TRDN: variants seen among roughly 807,000 people sequenced by gnomAD.
TRDN encodes the protein triadin.
In TRDN, 161 loss-of-function variants were observed where a neutral mutation model predicts 149.7. That is an observed-to-expected ratio of 1.08 (90% CI 0.95 to 1.23). The LOEUF (loss-of-function observed/expected upper bound fraction) is 1.23. Ranked by LOEUF, TRDN falls within the 50% of genes most tolerant of loss-of-function variation. TRDN has a pLI of 0.00. For missense variants in TRDN, 896 were observed against 823.5 expected (o/e 1.09, Z -1.08); for synonymous variants, 294 against 250.5 (o/e 1.17, Z -1.64).
rs1160564258 is a variant in TRDN, at chr6:123,503,905, T to C, written c.611-4A>G. On this transcript the variant is annotated splice_polypyrimidine_tract_variant and splice_region_variant and intron_variant, in intron 7 of 40. Transcript: ENST00000334268. ...GCAGTCTTAGCTTTCTTCTGTTCTG[T>C]ATAAAGTTAAAAGATGTTGAAATAC... is the stretch of plus-strand genomic sequence containing the variant. The C allele has an allele frequency of 1.3e-6, 2 of 1,542,688 alleles. No individual in the cohort carries two copies. Among genetic ancestry groups the C allele is most frequent in the African/African-American group, 1.4e-5 (1 of 72,416 alleles).
chr6:123,419,773 A>C (rs1273205529), intron 12 of TRDN, among the ~76,000 whole-genome samples: 1 of 152,190 alleles, frequency 6.6e-6, no homozygotes, highest in Non-Finnish European at 1.5e-5. Flanking sequence ...TGTGTATGTC[A>C]CCTTAACCTT....
At chr6:123,430,508 G>A (rs1774294552) in intron 12 of TRDN, among the ~76,000 whole-genome samples, 1 of 151,948 alleles carries the variant, frequency 6.6e-6, no homozygotes, top group Non-Finnish European at 1.5e-5. Flanking sequence ...CATGAACACG[G>A]GAGGCGGAGG....
chr6:123,421,890 C>T (rs112309883), intron 12 of TRDN, among the ~76,000 whole-genome samples: 9,667 of 151,384 alleles, frequency 0.064, 426 homozygotes, highest in Non-Finnish European at 0.094. Context: ...AGGAGGACTG[C>T]TTGAGCCTAG....
chr6:123,635,940 C>T (rs1418560808), intron 1 of TRDN, among the ~76,000 whole-genome samples: 1 of 151,656 alleles, frequency 6.6e-6, no homozygotes, highest in East Asian at 1.9e-4. Flanking sequence ...ATATATATAA[C>T]TAGCAACCAT....
intron 12 of TRDN, among the ~76,000 whole-genome samples, chr6:123,404,710 G>C (rs565175045): frequency 6.6e-6 from 1 of 152,320 alleles, no homozygotes; most frequent in East Asian, 1.9e-4. Flanking sequence ...TTCCCAAAGC[G>C]CTGGGATTAC....
intron 24 of TRDN, among the ~76,000 whole-genome samples, chr6:123,314,533 C>T (rs1052948773): frequency 1.8e-4 from 27 of 151,988 alleles, no homozygotes; most frequent in African/African-American, 6.3e-4. Context: ...GTTATAAAGA[C>T]ACATGCACAC....
rs183360601 is a variant in TRDN at position 123,340,860 on chromosome 6, T to C, written c.1370-3191A>G. 2.2e-4 allele frequency among the ~76,000 whole-genome samples: 33 copies of C among 151,948 alleles called. No homozygotes were observed. The East Asian group carries it at 5.6e-3, about 26-fold the overall frequency. ...CATCACACAGCATCAAAAAAGAAAA[T>C]AAAATTGTCTCACAACATCTTGTGG... is the stretch of plus-strand genomic sequence containing the variant. On this transcript the variant is annotated intron_variant, in intron 21 of 40. Transcript: ENST00000334268.
intron 4 of TRDN, among the ~76,000 whole-genome samples, chr6:123,534,148 A>T (rs1169621105): frequency 6.6e-6 from 1 of 152,182 alleles, no homozygotes; most frequent in Non-Finnish European, 1.5e-5. Flanking sequence ...AGAGCTCACA[A>T]TAAAGTATAC....
At chr6:123,337,213 T>C (rs1779904393) in intron 22 of TRDN, among the ~76,000 whole-genome samples, 1 of 152,088 alleles carries the variant, frequency 6.6e-6, no homozygotes, top group Non-Finnish European at 1.5e-5. Flanking sequence ...ATTTTTGTTG[T>C]CATCATCATC....
intron 6 of TRDN, among the ~76,000 whole-genome samples, chr6:123,515,922 T>A (rs558681619): frequency 6.6e-6 from 1 of 152,254 alleles, no homozygotes; most frequent in East Asian, 1.9e-4. Context: ...TGACGCAACA[T>A]TTCTGGAAAG....
At chr6:123,433,361 A>T (rs1774421851) in intron 12 of TRDN, among the ~76,000 whole-genome samples, 1 of 151,824 alleles carries the variant, frequency 6.6e-6, no homozygotes, top group Non-Finnish European at 1.5e-5. Context: ...GCCCTTACTC[A>T]GAGTTGAACT....
At chr6:123,402,133 T>C (rs1773005464) in intron 12 of TRDN, among the ~76,000 whole-genome samples, 1 of 152,196 alleles carries the variant, frequency 6.6e-6, no homozygotes, top group African/African-American at 2.4e-5. Context: ...AGAAGGCCAT[T>C]GGCCTGAGGC....
intron 24 of TRDN, among the ~76,000 whole-genome samples, chr6:123,295,766 C>T (rs187987339): frequency 1.3e-3 from 199 of 152,088 alleles, no homozygotes; most frequent in African/African-American, 4.7e-3. Flanking sequence ...GAGTTTGAGA[C>T]CGACCTGGCC....
chr6:123,221,676 A>G (rs1459259476), intron 39 of TRDN, among the ~76,000 whole-genome samples, 154 bp from the exon 40 acceptor site: 1 of 151,722 alleles, frequency 6.6e-6, no homozygotes, highest in African/African-American at 2.4e-5. Flanking sequence ...CACAGATTCT[A>G]TTCATATTTT....
In TRDN at chr6:123,243,343, T is replaced by C. The variant is rs530028564; in HGVS notation, c.1975+9069A>G. 1.5e-4 allele frequency among the ~76,000 whole-genome samples: 23 copies of C among 152,182 alleles called. No individual in the cohort carries two copies. The South Asian group carries it at 4.6e-3, about 30-fold the overall frequency. ...AGCAACAACTGTTACACCAGATGCA[T>C]AGATAGCAACATAAGGATATGGAAA... On this transcript the variant is annotated intron_variant, in intron 38 of 40. Transcript: ENST00000334268.
In TRDN at chr6:123,360,868, A is replaced by T. The variant is rs539715366; in HGVS notation, c.1321+5267T>A. Among the ~76,000 whole-genome samples the T allele has an allele frequency of 3.9e-5, 6 of 152,284 alleles. No individual in the cohort carries two copies. In the East Asian group the frequency reaches 1.2e-3, roughly 29 times the overall value. ...AGGACGCCACAAAATGGTATGGATGACTGATTTGAAGGAAAAACTGGAGAA... is the reference window on the plus strand; with the variant it reads ...AGGACGCCACAAAATGGTATGGATGTCTGATTTGAAGGAAAAACTGGAGAA... On this transcript the variant is annotated intron_variant, in intron 20 of 40. Coordinates refer to ENST00000334268, the MANE Select transcript of TRDN (RefSeq NM_006073.4).
chr6:123,410,104 C>T (rs575013450), intron 12 of TRDN, among the ~76,000 whole-genome samples: 10 of 152,094 alleles, frequency 6.6e-5, no homozygotes, highest in Non-Finnish European at 1.2e-4. Context: ...AAAGCTTTGG[C>T]AGGTTTAAGT....
intron 10 of TRDN, among the ~76,000 whole-genome samples, chr6:123,451,269 T>A (rs138592247): frequency 0.013 from 1,905 of 148,886 alleles, 44 homozygotes; most frequent in African/African-American, 0.045. Flanking sequence ...TAAATAAAAT[T>A]GAAACAACAA....
At chr6:123,596,220 C>T (rs79264466) in intron 1 of TRDN, among the ~76,000 whole-genome samples, 6,726 of 152,120 alleles carry the variant, frequency 0.044, 205 homozygotes, top group East Asian at 0.15. Flanking sequence ...AACCAAAACA[C>T]TCCCTTCAGC....
Sources: allele counts gnomAD v4.1 joint callset (sites outside exome capture counted in the v4.1 genomes callset), GRCh38; gene constraint gnomAD v4.1.1; transcripts MANE v1.5; gene names NCBI Gene and HGNC (gene_info 2026-07-23, HGNC 2026-07-21).